NLGN1: variants seen among roughly 807,000 people sequenced by gnomAD.
NLGN1 encodes the protein neuroligin 1, also known as neuroligin-1.
NLGN1 carries 12 observed loss-of-function variants against 65.5 expected under a neutral mutation model. The observed-to-expected ratio is 0.18, with a 90% CI of 0.12 to 0.30. NLGN1 has a LOEUF of 0.30. Ranked by LOEUF, NLGN1 falls within the 10% of genes least tolerant of loss-of-function variation. NLGN1 has a pLI of 1.00. For missense variants in NLGN1, 750 were observed against 1,007.1 expected (o/e 0.74, Z 3.46); for synonymous variants, 350 against 359.5 (o/e 0.97, Z 0.30).
chr3:174,110,998 C>G (rs527534288), intron 4 of NLGN1, among the ~76,000 whole-genome samples: 2 of 152,028 alleles, frequency 1.3e-5, no homozygotes, highest in African/African-American at 4.8e-5. Flanking sequence ...TATCGTCAGT[C>G]CTTATACACA....
At chr3:173,660,693 C>A (rs1236357634) in intron 3 of NLGN1, among the ~76,000 whole-genome samples, 2 of 151,870 alleles carry the variant, frequency 1.3e-5, no homozygotes, top group African/African-American at 4.8e-5. Context: ...TACTTCTTAT[C>A]TAAACACTGT....
At chr3:174,049,556 A>G (rs1488003094) in intron 4 of NLGN1, among the ~76,000 whole-genome samples, 2 of 152,046 alleles carry the variant, frequency 1.3e-5, no homozygotes, top group African/African-American at 4.8e-5. Context: ...TCAGTGTGTA[A>G]CTACTGGCAA....
chr3:173,983,144 G>C (rs1719128186), intron 4 of NLGN1, among the ~76,000 whole-genome samples: 1 of 152,108 alleles, frequency 6.6e-6, no homozygotes, highest in South Asian at 2.1e-4. Context: ...TTTCTCATAA[G>C]TATTGTTAAT....
intron 2 of NLGN1, among the ~76,000 whole-genome samples, chr3:173,511,982 A>T (rs1733054219): frequency 6.6e-6 from 1 of 152,114 alleles, no homozygotes; most frequent in South Asian, 2.1e-4. Context: ...TACCAAGCCC[A>T]CCCACTCAAC....
At chr3:173,755,735 A>G (rs1296346718) in intron 3 of NLGN1, among the ~76,000 whole-genome samples, 1 of 152,106 alleles carries the variant, frequency 6.6e-6, no homozygotes, top group East Asian at 1.9e-4. Context: ...CATAAAGCGC[A>G]ATGTAAAGTT....
intron 4 of NLGN1, among the ~76,000 whole-genome samples, chr3:174,066,757 T>G (rs549608458): frequency 1.8e-4 from 27 of 152,222 alleles, no homozygotes; most frequent in African/African-American, 6.5e-4. Context: ...ATGGGCAAGG[T>G]GTGATTTGGC....
intron 2 of NLGN1, among the ~76,000 whole-genome samples, chr3:173,450,502 C>T (rs1721290547): frequency 6.6e-6 from 1 of 152,064 alleles, no homozygotes; most frequent in Admixed American, 6.6e-5. Context: ...ACATTTTTTC[C>T]TTCATTTCAA....
Position 173,565,125 on chromosome 3 carries a change from T to G in NLGN1, c.-320-39154T>G, listed in dbSNP as rs114611666. 2.6e-3 allele frequency among the ~76,000 whole-genome samples: 400 copies of G among 152,244 alleles called. 3 individuals carry two copies. The highest frequency in any genetic ancestry group is 9.2e-3 in the African/African-American group (383 of 41,532). ...TAGAGAAGATGTCAGTCTGGGTATGTGCAGTATAAGGTTGGGAAGAAGCAG... is the reference window on the plus strand; with the variant it reads ...TAGAGAAGATGTCAGTCTGGGTATGGGCAGTATAAGGTTGGGAAGAAGCAG... On this transcript the variant is annotated intron_variant, in intron 2 of 6. Coordinates refer to ENST00000457714, the Ensembl canonical transcript of NLGN1.
intron 2 of NLGN1, among the ~76,000 whole-genome samples, chr3:173,490,625 G>A (rs1336331258): frequency 1.3e-5 from 2 of 152,102 alleles, no homozygotes; most frequent in South Asian, 4.1e-4. Context: ...TTCCAGTTCT[G>A]TGAAGAAAGT....
intron 4 of NLGN1, among the ~76,000 whole-genome samples, chr3:173,995,677 T>C (rs76423756): frequency 6.7e-6 from 1 of 149,336 alleles, no homozygotes; most frequent in South Asian, 2.1e-4. Flanking sequence ...TTTTTTTTTT[T>C]CTTTCCTTTT....
chr3:173,592,536 C>A (rs74652454), intron 2 of NLGN1, among the ~76,000 whole-genome samples: 20,121 of 152,134 alleles, frequency 0.13, 1,748 homozygotes, highest in Non-Finnish European at 0.19. Flanking sequence ...ATTGTATTGT[C>A]ATTTGTTTCC....
intron 3 of NLGN1, among the ~76,000 whole-genome samples, chr3:173,646,272 C>CAAAA (rs915867239): frequency 5.9e-5 from 9 of 152,070 alleles, no homozygotes; most frequent in African/African-American, 2.2e-4. Context: ...AAATTAAGAC[C>CAAAA]TTTTGGAGGC....
intron 2 of NLGN1, among the ~76,000 whole-genome samples, chr3:173,558,399 GC>G (rs558087915): frequency 5.3e-5 from 8 of 151,598 alleles, no homozygotes; most frequent in African/African-American, 1.9e-4. Flanking sequence ...TTCCTCATTT[GC>G]CCCCCCAACC....
intron 4 of NLGN1, among the ~76,000 whole-genome samples, chr3:174,147,455 C>CA (rs1174121766): frequency 2.2e-4 from 8 of 36,602 alleles, no homozygotes; most frequent in Non-Finnish European, 4.5e-4. Context: ...TTTTTTGAGA[C>CA]AGAGTTTTGC....
At chr3:174,155,261 G>GT (rs1316490619) in intron 4 of NLGN1, among the ~76,000 whole-genome samples, 1 of 150,908 alleles carries the variant, frequency 6.6e-6, no homozygotes, top group Non-Finnish European at 1.5e-5. Flanking sequence ...GGCTGTTTAT[G>GT]TTTTTTTCTT....
chr3:174,198,896 T>C (rs939311023), intron 4 of NLGN1, among the ~76,000 whole-genome samples: 2 of 136,152 alleles, frequency 1.5e-5, no homozygotes, highest in African/African-American at 5.4e-5. Flanking sequence ...TTTCCCAGGC[T>C]GGAGTGCAAT....
chr3:174,265,167 A>G (rs951113963), intron 4 of NLGN1, among the ~76,000 whole-genome samples: 17 of 151,744 alleles, frequency 1.1e-4, no homozygotes, highest in Non-Finnish European at 1.5e-4. Context: ...GGTGGAGCCT[A>G]CAGAGGCAGG....
chr3:174,273,489 TAG>T (rs772854400), intron 4 of NLGN1, among the ~76,000 whole-genome samples: 5 of 151,726 alleles, frequency 3.3e-5, no homozygotes, highest in African/African-American at 9.7e-5. Flanking sequence ...TGATAGCAAA[TAG>T]AGTTAAAAGA....
At chr3:173,954,250 T>G (rs1748755889) in intron 4 of NLGN1, among the ~76,000 whole-genome samples, 1 of 152,202 alleles carries the variant, frequency 6.6e-6, no homozygotes, top group African/African-American at 2.4e-5. Context: ...AGTAAATGGC[T>G]TATGTATATC....
Sources: gnomAD v4.1 joint callset for allele counts (sites outside exome capture counted in the v4.1 genomes callset) on GRCh38, gnomAD v4.1.1 for gene constraint, MANE v1.5 for transcripts, NCBI Gene and HGNC (gene_info 2026-07-23, HGNC 2026-07-21) for gene names.